The following DAG1 variants were observed in gnomAD, a reference collection of about 807,000 sequenced individuals.
DAG1 encodes the protein dystroglycan 1 (dystrophin-associated glycoprotein 1).
In DAG1, 8 loss-of-function variants were observed where a neutral mutation model predicts 46.1. That is an observed-to-expected ratio of 0.17 (90% CI 0.10 to 0.31). The LOEUF is 0.31. Ranked by LOEUF, DAG1 falls within the 10% of genes least tolerant of loss-of-function variation. The probability of loss-of-function intolerance (pLI) is 1.00; values close to 1 mark genes in which losing one functional copy is unlikely to be tolerated. For missense variants in DAG1, 1,003 were observed against 1,189.9 expected (o/e 0.84, Z 2.31); for synonymous variants, 495 against 481.8 (o/e 1.03, Z -0.36).
In DAG1 at chr3:49,532,464, C is replaced by G; in HGVS notation, c.1953C>G (p.Thr651=). 1 of 1,614,232 alleles carries G rather than the reference C, an allele frequency of 6.2e-7. No homozygotes were observed. Among genetic ancestry groups the G allele is most frequent in the South Asian group, 1.1e-5 (1 of 91,090 alleles). Residue 651 remains threonine (T), a synonymous_variant, in exon 3 of 3, where the codon ACC becomes ACG. Coordinates refer to ENST00000308775, the MANE Select transcript of DAG1 (RefSeq NM_004393.6). The surrounding 1 kb of genome is among the most constrained non-coding windows in gnomAD (Gnocchi z 5.4). ...GCACCATCACCCTGCAGAATATCAC[C>G]CGGGGCTCCATCGTGGTGGAATGGA... ...NCSTITLQNI[T]RGSIVVEWTN...
chr3:49,497,199 G>A (rs916637186), intron 1 of DAG1, among the ~76,000 whole-genome samples: 4 of 151,826 alleles, frequency 2.6e-5, no homozygotes, highest in Admixed American at 2.0e-4. Flanking sequence ...CACTTTGGGA[G>A]GCCGAGGTGG....
chr3:49,469,789 T>C (rs1184139600), upstream of DAG1, among the ~76,000 whole-genome samples: 1 of 152,238 alleles, frequency 6.6e-6, no homozygotes, highest in Non-Finnish European at 1.5e-5. Context: ...GAAATACCCC[T>C]TGATTTGCAT....
intron 1 of DAG1, among the ~76,000 whole-genome samples, chr3:49,486,210 A>T (rs1345649716): frequency 1.3e-5 from 2 of 150,054 alleles, no homozygotes; most frequent in Non-Finnish European, 3.0e-5. Context: ...TTATTTATTT[A>T]TTTATTTATT....
intron 1 of DAG1, 95 bp from the exon 2 acceptor site, chr3:49,510,324 G>A (rs2050727630): frequency 1.1e-5 from 7 of 610,788 alleles, no homozygotes; most frequent in South Asian, 2.0e-5. Flanking sequence ...GATCCAACTC[G>A]GGGTAGATGT....
chr3:49,532,262 G>T lies in DAG1; in HGVS notation c.1751G>T (p.Gly584Val), dbSNP rs547711379. The T allele has an allele frequency of 2.5e-6, 4 of 1,613,962 alleles. No homozygotes were observed. Among genetic ancestry groups the T allele is most frequent in the Admixed American group, 3.3e-5 (2 of 60,018 alleles). ...TTCATGCATGCCACAGACAAGGGGG[G>T]CCTGTCGGCTGTGGATGCCTTCGAG... ...EYFMHATDKG[G>V]LSAVDAFEIH... The change falls in exon 3 of 3, where the codon GGC becomes GTC. Residue 584 changes from glycine to valine, a missense_variant. Coordinates refer to ENST00000308775, the MANE Select transcript of DAG1 (RefSeq NM_004393.6). The surrounding 1 kb of genome is among the most constrained non-coding windows in gnomAD (Gnocchi z 5.4).
At position 49,522,184 on chromosome 3, in the gene DAG1, C is replaced by T. The variant is rs562431624; in HGVS notation, c.286-8613C>T. On this transcript the variant is annotated intron_variant, in intron 2 of 2. Transcript: ENST00000308775. ...AGCTGGGATTACAGGTGCCTGCCAC[C>T]ACACCCAGCTAATTTTTTTGTATTT... Among the ~76,000 whole-genome samples, 262 of 152,246 alleles carry T rather than the reference C, an allele frequency of 1.7e-3. 5 individuals carry two copies. Among genetic ancestry groups the T allele is most frequent in the East Asian group, 3.1e-3 (16 of 5,176 alleles).
At chr3:49,524,896 G>A (rs2051126510) in intron 2 of DAG1, among the ~76,000 whole-genome samples, 1 of 152,158 alleles carries the variant, frequency 6.6e-6, no homozygotes, top group South Asian at 2.1e-4. Flanking sequence ...AGGATTGCTT[G>A]AGCCTGGGAG....
intron 1 of DAG1, among the ~76,000 whole-genome samples, chr3:49,497,824 A>G (rs557391205): frequency 6.6e-6 from 1 of 152,314 alleles, no homozygotes. Flanking sequence ...GCCATGGTTC[A>G]GTGGAGAATG....
Position 49,533,171 on chromosome 3 carries a change from G to C in DAG1, c.2660G>C (p.Arg887Pro). 1 of 1,613,760 alleles carries C rather than the reference G, an allele frequency of 6.2e-7. No homozygotes were observed. Among genetic ancestry groups the C allele is most frequent in the Non-Finnish European group, 8.5e-7 (1 of 1,180,016 alleles). ...GSRPKNMTPY[R>P]SPPPYVPP The stretch of plus-strand genomic sequence containing the variant: ...CGTCCCAAGAACATGACCCCATACC[G>C]GTCACCTCCTCCCTATGTCCCACCT... The change falls in exon 3 of 3, where the codon CGG (arginine) becomes CCG (proline). Residue 887 changes from arginine to proline, a missense_variant. Around this residue, in one of 3 missense-constraint regions of DAG1, gnomAD observed 755 missense variants for 854.1 expected, o/e 0.88. Coordinates refer to ENST00000308775, the MANE Select transcript of DAG1 (RefSeq NM_004393.6).
In DAG1 at chr3:49,484,661, G is replaced by A. The variant is rs376846879; in HGVS notation, c.-117+14228G>A. ...CTTCCATCCTGCTATGGGCTTCCAG[G>A]AAGAATGGGGTCCATTGTGGGCTGT... On this transcript the variant is annotated intron_variant, in intron 1 of 2. Transcript: ENST00000308775. Among the ~76,000 whole-genome samples, 8 of 152,262 alleles carry A rather than the reference G, an allele frequency of 5.3e-5. No homozygotes were observed. The East Asian group carries it at 1.2e-3, about 22-fold the overall frequency.
intron 1 of DAG1, among the ~76,000 whole-genome samples, chr3:49,474,782 C>CT (rs1030152994): frequency 6.0e-5 from 9 of 149,406 alleles, no homozygotes; most frequent in East Asian, 2.0e-4. Context: ...CATGCCTGGC[C>CT]TTTTTTTTAA....
chr3:49,482,219 C>G (rs1219148575), intron 1 of DAG1, among the ~76,000 whole-genome samples: 1 of 152,174 alleles, frequency 6.6e-6, no homozygotes, highest in Non-Finnish European at 1.5e-5. Context: ...ACAGGGACCT[C>G]TGCTCTTGAA....
rs562046526 is a variant in DAG1, at chr3:49,531,154, C to G, written c.643C>G (p.Arg215Gly). 2 of 1,614,050 alleles carry G rather than the reference C, an allele frequency of 1.2e-6. No individual in the cohort carries two copies. Among genetic ancestry groups the G allele is most frequent in the East Asian group, 2.2e-5 (1 of 44,892 alleles). The change falls in exon 3 of 3, where the codon CGG becomes GGG. Residue 215 changes from arginine (R) to glycine (G), a missense_variant. Transcript: ENST00000308775. This position sits in a 1 kb window ranked among gnomAD's most constrained non-coding sequence, Gnocchi z 7.0. ...KQRIDLLHRM[R>G]SFSEVELHNM... ...AAGGATTGACCTCCTGCACAGGATGCGGAGCTTCTCAGAAGTAGAGCTTCA... is the reference window on the plus strand; with the variant it reads ...AAGGATTGACCTCCTGCACAGGATGGGGAGCTTCTCAGAAGTAGAGCTTCA...
intron 1 of DAG1, among the ~76,000 whole-genome samples, chr3:49,494,792 G>C (rs928722986): frequency 2.0e-5 from 2 of 101,650 alleles, no homozygotes; most frequent in South Asian, 9.4e-4. Context: ...CTGCCACCAC[G>C]CCCAGCTAAT....
chr3:49,471,874 A>AAT (rs1436054904), intron 1 of DAG1, among the ~76,000 whole-genome samples: 1 of 152,224 alleles, frequency 6.6e-6, no homozygotes, highest in Non-Finnish European at 1.5e-5. Flanking sequence ...ACCCATGATT[A>AAT]ATAGTGTCTG....
intron 1 of DAG1, among the ~76,000 whole-genome samples, chr3:49,482,632 A>G (rs2049918569): frequency 1.3e-5 from 2 of 152,178 alleles, no homozygotes; most frequent in Non-Finnish European, 2.9e-5. Context: ...TATGACGTAG[A>G]TTCTATTGCT....
Position 49,510,696 on chromosome 3 carries a change from C to T in DAG1, c.162C>T (p.Leu54=), listed in dbSNP as rs371638777. 7 of 1,614,044 alleles carry T rather than the reference C, an allele frequency of 4.3e-6. No homozygotes were observed. Among genetic ancestry groups the T allele is most frequent in the Non-Finnish European group, 8.5e-7 (1 of 1,180,052 alleles). Residue 54 remains leucine, a synonymous_variant, in exon 2 of 3, where the codon CTC becomes CTT. Coordinates refer to ENST00000308775, the MANE Select transcript of DAG1 (RefSeq NM_004393.6). The part of the protein sequence containing the change: ...NQLEASMHSV[L]SDLHEAVPTV... ...TTGAGGCATCCATGCACTCAGTGCT[C>T]TCAGACCTCCACGAGGCTGTTCCCA...
At chr3:49,503,703 C>A (rs1394962201) in intron 1 of DAG1, among the ~76,000 whole-genome samples, 1 of 151,966 alleles carries the variant, frequency 6.6e-6, no homozygotes, top group Non-Finnish European at 1.5e-5. Context: ...TAGCACATGC[C>A]TGTGGTCCCA....
chr3:49,499,619 G>GA (rs2050394373), intron 1 of DAG1, among the ~76,000 whole-genome samples: 1 of 152,198 alleles, frequency 6.6e-6, no homozygotes, highest in Non-Finnish European at 1.5e-5. Context: ...GAGTGGAACA[G>GA]AGCCGCCTGT....
Sources: allele counts gnomAD v4.1 joint callset (sites outside exome capture counted in the v4.1 genomes callset), GRCh38; gene constraint gnomAD v4.1.1; regional missense constraint gnomAD v4.1.1; non-coding constraint Gnocchi (gnomAD v3.1); transcripts MANE v1.5; gene names NCBI Gene and HGNC (gene_info 2026-07-23, HGNC 2026-07-21).